Variants in MSLN observed in about 807,000 individuals in gnomAD.
MSLN encodes the protein CAK1 antigen.
In MSLN, 82 loss-of-function variants were observed where a neutral mutation model predicts 72.6. The observed-to-expected ratio is 1.13, with a 90% CI of 0.94 to 1.36. The LOEUF is 1.36. Ranked by LOEUF, MSLN falls within the 40% of genes most tolerant of loss-of-function variation. MSLN has a pLI of 0.00. For missense variants in MSLN, 1,005 were observed against 847.9 expected, an observed-to-expected ratio of 1.19 and a Z score of -2.30; for synonymous variants, 456 against 387.3, an observed-to-expected ratio of 1.18 and a Z score of -2.08.
At position 767,477 on chromosome 16, in the gene MSLN, C is replaced by T. The variant is rs374418356; in HGVS notation, c.1596+7C>T. ...GCGGACGGATGCGGTGCTGGTATGG[C>T]GAGCGGGAGGAGGGGCGTGTGGAGG... On this transcript the variant is annotated splice_region_variant and intron_variant, in intron 16 of 17. Transcript: ENST00000545450. 5.5e-5 allele frequency: 82 copies of T among 1,502,230 alleles called. 1 individual carries two copies. Among genetic ancestry groups the T allele is most frequent in the Admixed American group, 2.3e-4 (12 of 51,228 alleles). The allele number at this position is 1,502,230 out of a possible 1,614,324, so 93.1% of individuals were successfully genotyped here. A position where few individuals can be genotyped will look rare whatever the true frequency, so the allele number is the denominator to read the frequency against.
chr16:767,072 T>A, intron 15 of MSLN, 60 bp downstream of exon 15: 4 of 1,606,722 alleles, frequency 2.5e-6, no homozygotes, highest in Non-Finnish European at 3.4e-6. Context: ...CAGACTCCAC[T>A]CGGGGGTGCC....
In MSLN at chr16:763,768, A is replaced by ATCTCCCAGCATCCCATCCCCCGTCCCC; in HGVS notation, c.179+79_179+80insTCCCAGCATCCCATCCCCCGTCCCCTC. The ATCTCCCAGCATCCCATCCCCCGTCCCC allele has an allele frequency of 1.6e-4, 21 of 131,258 alleles. No individual in the cohort carries two copies. In the South Asian group the frequency reaches 3.8e-3, roughly 24 times the overall value. The allele number at this position is 131,258 out of a possible 1,614,324, so 8.1% of individuals were successfully genotyped here. A position where few individuals can be genotyped will look rare whatever the true frequency, so the allele number is the denominator to read the frequency against. The stretch of plus-strand genomic sequence containing the variant: ...GGACTGAGGGTGGGCAGGGCACCCC[A>ATCTCCCAGCATCCCATCCCCCGTCCCC]TCCCCCAGCATCCCCTCCCCCTTCC... On this transcript the variant is annotated intron_variant, in intron 5 of 17. Transcript: ENST00000545450.
rs1433885289 is a variant in MSLN, at chr16:765,200, G to A, written c.601G>A (p.Ala201Thr). The change falls in exon 9 of 18, where the codon GCC becomes ACC. Residue 201 changes from alanine (A) to threonine (T), a missense_variant. Ala to Thr is a moderately conservative substitution (Grantham distance 58). Transcript: ENST00000545450. Reference protein sequence around the residue: ...DLPGRFVAESAEVLLPRLVSC... With the variant: ...DLPGRFVAESTEVLLPRLVSC... ...GCCTGGGCGCTTTGTGGCCGAGTCG[G>A]CCGAAGTGCTGCTACCCCGGCTGGT... is the stretch of plus-strand genomic sequence containing the variant. 2.5e-6 allele frequency: 4 copies of A among 1,592,706 alleles called. No individual in the cohort carries two copies. Among genetic ancestry groups the A allele is most frequent in the Non-Finnish European group, 1.7e-6 (2 of 1,175,270 alleles).
Position 763,243 on chromosome 16 carries a change from GC to G in MSLN, c.99del (p.Ser34ArgfsTer44). ...FLLFSLGWVQ[P>X]SRTLAGETGQ... Reference sequence around the variant, plus strand: ...CCTCTGCCCCTTTAGGATGGGTGCAGCCCTCGAGGACCCTGGCTGGAGAGAC... The same window carrying G: ...CCTCTGCCCCTTTAGGATGGGTGCAGCCTCGAGGACCCTGGCTGGAGAGAC... On this transcript the variant is annotated frameshift_variant, in exon 4 of 18. Coordinates refer to ENST00000545450, the MANE Select transcript of MSLN (RefSeq NM_005823.6). LOFTEE classifies it high-confidence loss of function. The G allele has an allele frequency of 6.5e-7, 1 of 1,542,568 alleles. No homozygotes were observed. The highest frequency in any genetic ancestry group is 8.7e-7 in the Non-Finnish European group (1 of 1,144,722).
rs774698971 is a variant in MSLN at position 767,048 on chromosome 16, C to A, written c.1501+36C>A. Reference sequence around the variant, plus strand: ...GAGTCCCTGGCCAGGGTGGGCAACACAACGGGGGAAGCACAGACTCCACTC... The same window carrying A: ...GAGTCCCTGGCCAGGGTGGGCAACAAAACGGGGGAAGCACAGACTCCACTC... On this transcript the variant is annotated intron_variant, in intron 15 of 17. Transcript: ENST00000545450. 1.2e-5 allele frequency: 19 copies of A among 1,611,274 alleles called. No homozygotes were observed. The African/African-American group carries it at 2.1e-4, about 18-fold the overall frequency.
chr16:764,530 CA>C, intron 6 of MSLN, 116 bp from the exon 7 acceptor site: 2 of 929,008 alleles, frequency 2.2e-6, no homozygotes, highest in South Asian at 2.6e-5. Flanking sequence ...TCCACTTCCA[CA>C]GATTCTCGTG....
At position 766,682 on chromosome 16, in the gene MSLN, C is replaced by T. The variant is rs200744954; in HGVS notation, c.1245C>T (p.Ile415=). 4.9e-5 allele frequency: 79 copies of T among 1,612,522 alleles called. No homozygotes were observed. The highest frequency in any genetic ancestry group is 3.1e-4 in the East Asian group (14 of 44,870). Residue 415 remains isoleucine, a synonymous_variant, in exon 14 of 18, where the codon ATC becomes ATT. Transcript: ENST00000545450. ...HEMSPQVATL[I]DRFVKGRGQL... ...CCCTCCCACAGGTGGCCACCCTGAT[C>T]GACCGCTTTGTGAAGGGAAGGGGCC... is the stretch of plus-strand genomic sequence containing the variant.
chr16:763,938 GGTGGGGCT>G (rs2151614492), intron 5 of MSLN, 77 bp from the exon 6 acceptor site: 1 of 1,554,994 alleles, frequency 6.4e-7, no homozygotes, highest in South Asian at 1.2e-5. Flanking sequence ...TTTGGGGAGA[GGTGGGGCT>G]GTGGGGCTTG....
Position 764,640 on chromosome 16 carries a change from C to CCTGCAG in MSLN, c.301-2_304dup, listed in dbSNP as rs758371685. 2 of 1,612,056 alleles carry CCTGCAG rather than the reference C, an allele frequency of 1.2e-6. No homozygotes were observed. Among genetic ancestry groups the CCTGCAG allele is most frequent in the Admixed American group, 1.7e-5 (1 of 60,018 alleles). ...AACGCTCTGTGCTGGACTCCCTGCCCCTGCAGCTGCGCTGTCTGGCTCACC... is the reference window on the plus strand; with the variant it reads ...AACGCTCTGTGCTGGACTCCCTGCCCCTGCAGCTGCAGCTGCGCTGTCTGGCTCACC... On this transcript the variant is annotated splice_region_variant and splice_polypyrimidine_tract_variant and intron_variant, in intron 6 of 17. Coordinates refer to ENST00000545450, the MANE Select transcript of MSLN (RefSeq NM_005823.6).
chr16:764,013 C>G lies in MSLN; in HGVS notation c.180-10C>G. On this transcript the variant is annotated splice_polypyrimidine_tract_variant and intron_variant, in intron 5 of 17. Transcript: ENST00000545450. ...GCGATCGTGGGTGCCCAGCCCGACC[C>G]TTCCTGCAGCCTCTCCCCTCGCCAA... The G allele has an allele frequency of 6.3e-7, 1 of 1,598,068 alleles. No homozygotes were observed. The highest frequency in any genetic ancestry group is 1.3e-5 in the African/African-American group (1 of 74,962).
rs376284489 is a variant in MSLN at position 762,777 on chromosome 16, A to G, written c.85+12A>G. ...GCTCTTCAGCCTCGGTGCGTACTTG[A>G]TGGGGCTGCTGGTGAGGTGGGGACG... On this transcript the variant is annotated intron_variant, in intron 3 of 17. Transcript: ENST00000545450. 6.4e-7 allele frequency: 1 copy of G among 1,563,026 alleles called. No homozygotes were observed. Among genetic ancestry groups the G allele is most frequent in the Non-Finnish European group, 8.6e-7 (1 of 1,158,468 alleles).
intron 16 of MSLN, 46 bp downstream of exon 16, chr16:767,516 G>T: frequency 7.1e-7 from 1 of 1,410,794 alleles, no homozygotes. Context: ...GGCCCGTGGA[G>T]GAGGGGCGAG....
chr16:768,625 C>T lies in MSLN; in HGVS notation c.1784-23C>T, dbSNP rs1263978517. Reference sequence around the variant, plus strand: ...AGCTGGGGGCGTGGAGGTGGGCGCTCTGAGTCACCCCTCTCTCTGTAGAGG... The same window carrying T: ...AGCTGGGGGCGTGGAGGTGGGCGCTTTGAGTCACCCCTCTCTCTGTAGAGG... On this transcript the variant is annotated intron_variant, in intron 17 of 17. Coordinates refer to ENST00000545450, the MANE Select transcript of MSLN (RefSeq NM_005823.6). 2.5e-6 allele frequency: 4 copies of T among 1,611,152 alleles called. No homozygotes were observed. The African/African-American group carries it at 4.0e-5, about 16-fold the overall frequency.
In MSLN at chr16:768,486, GGACGACCTGGACAC is replaced by G; in HGVS notation, c.1706_1719del (p.Asp569AlafsTer?). ...GGGACTGGATCCTACGGCAGCGGCAGGACGACCTGGACACGCTGGGGCTGGGGCTACAGGGCGGC... is the reference window on the plus strand; with the variant it reads ...GGGACTGGATCCTACGGCAGCGGCAGGCTGGGGCTGGGGCTACAGGGCGGC... On this transcript the variant is annotated frameshift_variant, in exon 17 of 18. Transcript: ENST00000545450. LOFTEE classifies it high-confidence loss of function. 1 of 1,577,108 alleles carries G rather than the reference GGACGACCTGGACAC, an allele frequency of 6.3e-7. No individual in the cohort carries two copies. Among genetic ancestry groups the G allele is most frequent in the African/African-American group, 1.3e-5 (1 of 74,284 alleles).
In MSLN at chr16:768,707, C is replaced by T. The variant is rs1358661233; in HGVS notation, c.1843C>T (p.Leu615=). ...GPGPVLTVLA[L]LLASTLA is the part of the protein sequence containing the mutation. ...TGGACCTGTTCTCACCGTCCTGGCA[C>T]TGCTCCTAGCCTCCACCCTGGCCTG... The change falls in exon 18 of 18, where the codon CTG becomes TTG. Residue 615 remains leucine (L), a synonymous_variant. Transcript: ENST00000545450. 4 of 1,610,972 alleles carry T rather than the reference C, an allele frequency of 2.5e-6. No homozygotes were observed. Among genetic ancestry groups the T allele is most frequent in the Non-Finnish European group, 3.4e-6 (4 of 1,179,534 alleles).
At chr16:762,561 CA>C (rs1180507463) in intron 2 of MSLN, 110 bp from the exon 3 acceptor site, 3 of 785,914 alleles carry the variant, frequency 3.8e-6, no homozygotes, top group Non-Finnish European at 6.5e-6. Context: ...GCAGGTACCA[CA>C]GAAGTTTGCT....
rs1441489121 is a variant in MSLN, at chr16:766,736, G to C, written c.1299G>C (p.Leu433=). 6.2e-7 allele frequency: 1 copy of C among 1,612,504 alleles called. No individual in the cohort carries two copies. The highest frequency in any genetic ancestry group is 1.7e-5 in the Admixed American group (1 of 59,994). The change falls in exon 14 of 18, where the codon CTG becomes CTC. Residue 433 remains leucine, a synonymous_variant. Transcript: ENST00000545450. The part of the protein sequence containing the change: ...GQLDKDTLDT[L]TAFYPGYLCS... ...TAGACAAAGACACCCTAGACACCCT[G>C]ACCGCCTTCTACCCTGGGTACCTGT...
At chr16:765,493 G>C in intron 9 of MSLN, 34 bp from the exon 10 acceptor site, 1 of 1,573,272 alleles carries the variant, frequency 6.4e-7, no homozygotes, top group Non-Finnish European at 8.6e-7. Context: ...GCTGCACGTG[G>C]GGGGTCCCTG....
At chr16:761,583 G>A (rs1049588787) in intron 2 of MSLN, among the ~76,000 whole-genome samples, 1 of 152,118 alleles carries the variant, frequency 6.6e-6, no homozygotes, top group African/African-American at 2.4e-5. Context: ...CTGGCTTCAC[G>A]CACCCCAAGG....
Sources: allele counts gnomAD v4.1 joint callset (sites outside exome capture counted in the v4.1 genomes callset), GRCh38; gene constraint gnomAD v4.1.1; transcripts MANE v1.5; gene names NCBI Gene and HGNC (gene_info 2026-07-23, HGNC 2026-07-21).